Variants in SASS6 observed in about 807,000 individuals in gnomAD.
The protein encoded by SASS6 is spindle assembly abnormal protein 6 homolog.
In SASS6, 59 loss-of-function variants were observed where a neutral mutation model predicts 94.9. The ratio of observed to expected loss-of-function variants is 0.62; its 90% CI spans 0.50 to 0.77. The LOEUF is 0.77. Ranked by LOEUF, SASS6 falls within the 30% of genes least tolerant of loss-of-function variation. The probability of loss-of-function intolerance (pLI) is 0.00; values close to 1 mark genes in which losing one functional copy is unlikely to be tolerated. For missense variants in SASS6, 698 were observed against 734.1 expected, an observed-to-expected ratio of 0.95 and a Z score of 0.57; for synonymous variants, 264 against 270.0, an observed-to-expected ratio of 0.98 and a Z score of 0.22.
chr1:100,105,981 A>G, intron 12 of SASS6, 78 bp from the exon 13 acceptor site: 1 of 944,496 alleles, frequency 1.1e-6, no homozygotes, highest in South Asian at 2.4e-5. Context: ...TTTAAAAATT[A>G]TATTAAGATT....
intron 14 of SASS6, among the ~76,000 whole-genome samples, chr1:100,094,883 A>G (rs960643711): frequency 6.6e-6 from 1 of 151,414 alleles, no homozygotes; most frequent in Non-Finnish European, 1.5e-5. Context: ...AAAAAAAAGA[A>G]AAAGAAACAA....
chr1:100,124,113 T>C (rs1654398275), intron 2 of SASS6, among the ~76,000 whole-genome samples: 1 of 152,340 alleles, frequency 6.6e-6, no homozygotes, highest in African/African-American at 2.4e-5. Flanking sequence ...TAGAAAAATC[T>C]AAACCACTTA....
intron 14 of SASS6, among the ~76,000 whole-genome samples, chr1:100,089,280 C>T (rs1651519214): frequency 6.6e-6 from 1 of 151,880 alleles, no homozygotes; most frequent in Non-Finnish European, 1.5e-5. Flanking sequence ...TGTAATCAAC[C>T]ACGTATAATT....
chr1:100,089,553 G>C (rs1416084189), intron 14 of SASS6, among the ~76,000 whole-genome samples: 1 of 152,048 alleles, frequency 6.6e-6, no homozygotes, highest in Non-Finnish European at 1.5e-5. Context: ...CATGACTACT[G>C]ACATCTTGCC....
At chr1:100,088,558 G>A (rs545816537) in intron 14 of SASS6, among the ~76,000 whole-genome samples, 1 of 152,040 alleles carries the variant, frequency 6.6e-6, no homozygotes, top group East Asian at 1.9e-4. Flanking sequence ...CCAAAATCAT[G>A]GGATTACAGG....
At chr1:100,092,459 TACTGTAGAAGA>T (rs1178575493) in intron 14 of SASS6, among the ~76,000 whole-genome samples, 1 of 152,192 alleles carries the variant, frequency 6.6e-6, no homozygotes, top group East Asian at 1.9e-4. Context: ...AGGGAAATTA[TACTGTAGAAGA>T]ACTTAGAATA....
intron 3 of SASS6, 131 bp downstream of exon 3, chr1:100,123,079 G>A: frequency 2.0e-6 from 1 of 508,678 alleles, no homozygotes; most frequent in East Asian, 3.7e-5. Flanking sequence ...AGTAAAGATA[G>A]TACAAATAGC....
rs1570696288 is a variant in SASS6 at position 100,107,657 on chromosome 1, T to C, written c.1117A>G (p.Ile373Val). ...QVQLGKLEAT[I>V]KSLSAELLKA... ...AGAAGTTCTGCAGATAATGATTTTA[T>C]TGTAGCTTCAAGCTTTCCTAGTTGT... The change falls in exon 10 of 17, where the codon ATA becomes GTA. Residue 373 changes from isoleucine to valine, a missense_variant. Ile to Val is a conservative substitution (Grantham distance 29). Transcript: ENST00000287482. 1 of 1,605,278 alleles carries C rather than the reference T, an allele frequency of 6.2e-7. No individual in the cohort carries two copies. Among genetic ancestry groups the C allele is most frequent in the Non-Finnish European group, 8.5e-7 (1 of 1,175,748 alleles).
chr1:100,109,036 GA>G (rs1170837447), intron 8 of SASS6, among the ~76,000 whole-genome samples: 1 of 151,608 alleles, frequency 6.6e-6, no homozygotes, highest in East Asian at 1.9e-4. Flanking sequence ...AATCTTGGAG[GA>G]AATATTTTCA....
chr1:100,085,693 C>A lies in SASS6; in HGVS notation c.1773-63G>T. The A allele has an allele frequency of 9.3e-6, 8 of 863,128 alleles. No individual in the cohort carries two copies. In the South Asian group the frequency reaches 1.2e-4, roughly 13 times the overall value. 53.5% of individuals were successfully genotyped at this position (863,128 alleles called of 1,614,324 possible). On this transcript the variant is annotated intron_variant, in intron 15 of 16. Transcript: ENST00000287482. The stretch of plus-strand genomic sequence containing the variant: ...CTTTATTAACTTTGAAGGTTTATCT[C>A]ATATGTATACATATATATAAGATAA...
In SASS6 at chr1:100,121,418, T is replaced by A; in HGVS notation, c.443A>T (p.Glu148Val). Reference sequence around the variant, plus strand: ...ACAGCCTGCGAGAAATTTCTTTATCTCCACATCATTTCCAGGTAAAAGTTT... The same window carrying A: ...ACAGCCTGCGAGAAATTTCTTTATCACCACATCATTTCCAGGTAAAAGTTT... The part of the protein sequence containing the change: ...SLKLLPGNDV[E>V]IKKFLAGCLK... The change falls in exon 5 of 17, where the codon GAG becomes GTG. Residue 148 changes from glutamate to valine, a missense_variant. Transcript: ENST00000287482. 6.3e-7 allele frequency: 1 copy of A among 1,592,600 alleles called. No individual in the cohort carries two copies. Among genetic ancestry groups the A allele is most frequent in the Non-Finnish European group, 8.5e-7 (1 of 1,173,004 alleles).
At chr1:100,119,189 A>G in intron 6 of SASS6, 52 bp from the exon 7 acceptor site, 2 of 1,043,644 alleles carry the variant, frequency 1.9e-6, no homozygotes, top group Non-Finnish European at 2.7e-6. Context: ...AATATGTAAT[A>G]ATTTTGATTA....
At chr1:100,087,284 C>G (rs1651368627) in intron 15 of SASS6, among the ~76,000 whole-genome samples, 2 of 152,114 alleles carry the variant, frequency 1.3e-5, no homozygotes, top group South Asian at 4.1e-4. Flanking sequence ...TGACCAGCCA[C>G]AAACATTTTA....
chr1:100,125,736 C>T lies in SASS6; in HGVS notation c.126+146G>A, dbSNP rs1317007946. On this transcript the variant is annotated intron_variant, in intron 2 of 16. Transcript: ENST00000287482. ...CTTCAGTTGTTGTCTCAGTAGATTC[C>T]ACCACCCTTGATTTCCAACAGTTGC... 1.2e-5 allele frequency: 7 copies of T among 605,066 alleles called. No homozygotes were observed. In the Admixed American group the frequency reaches 2.1e-4, roughly 18 times the overall value. The allele number at this position is 605,066 out of a possible 1,614,324, so 37.5% of individuals were successfully genotyped here.
At position 100,090,906 on chromosome 1, in the gene SASS6, T is replaced by C. The variant is rs559646851; in HGVS notation, c.1675-2670A>G. 3.3e-5 allele frequency among the ~76,000 whole-genome samples: 5 copies of C among 152,230 alleles called. No homozygotes were observed. In the South Asian group the frequency reaches 1.0e-3, roughly 32 times the overall value. On this transcript the variant is annotated intron_variant, in intron 14 of 16. Coordinates refer to ENST00000287482, the MANE Select transcript of SASS6 (RefSeq NM_194292.3). ...TGTACGAATCTGACCCTAATCAGCA[T>C]ACCAAAGGCTTTGGGAACCGAACTA...
At chr1:100,125,284 T>C (rs1420443898) in intron 2 of SASS6, among the ~76,000 whole-genome samples, 1 of 149,832 alleles carries the variant, frequency 6.7e-6, no homozygotes, top group Non-Finnish European at 1.5e-5. Flanking sequence ...TATATTTTTA[T>C]ATATATGTTA....
intron 1 of SASS6, among the ~76,000 whole-genome samples, chr1:100,127,507 G>A (rs1405139623): frequency 1.3e-5 from 2 of 152,112 alleles, no homozygotes; most frequent in Admixed American, 6.5e-5. Context: ...CTAAATCTCC[G>A]TTTGTACAAT....
At chr1:100,104,232 T>C (rs972004789) in intron 13 of SASS6, among the ~76,000 whole-genome samples, 1 of 152,254 alleles carries the variant, frequency 6.6e-6, no homozygotes, top group African/African-American at 2.4e-5. Flanking sequence ...GATTTAGCAA[T>C]GTTCATATTT....
At chr1:100,100,333 T>C (rs1245861096) in intron 14 of SASS6, among the ~76,000 whole-genome samples, 1 of 152,218 alleles carries the variant, frequency 6.6e-6, no homozygotes, top group Non-Finnish European at 1.5e-5. Context: ...ATTTACTATC[T>C]ACTGGTGTTT....
Sources: allele counts gnomAD v4.1 joint callset (sites outside exome capture counted in the v4.1 genomes callset), GRCh38; gene constraint gnomAD v4.1.1; transcripts MANE v1.5; gene names NCBI Gene and HGNC (gene_info 2026-07-23, HGNC 2026-07-21).